ITSN1: variants seen among roughly 807,000 people sequenced by gnomAD.
ITSN1 encodes intersectin 1.
In ITSN1, 58 loss-of-function variants were observed where a neutral mutation model predicts 239.8. That is an observed-to-expected ratio of 0.24 (90% confidence interval 0.20 to 0.30). The LOEUF is 0.30. ITSN1 is among the 10% of genes least tolerant of loss of function. The probability of loss-of-function intolerance (pLI) is 1.00; values close to 1 mark genes in which losing one functional copy is unlikely to be tolerated. For synonymous variants in ITSN1, 780 were observed against 770.8 expected (o/e 1.01, Z -0.20); for missense variants, 1,558 against 2,103.3 (o/e 0.74, Z 5.07).
At position 33,818,237 on chromosome 21, in the gene ITSN1, C is replaced by T. The variant is rs375781109; in HGVS notation, c.2728-30C>T. 2.6e-4 allele frequency: 415 copies of T among 1,581,798 alleles called. 1 individual carries two copies. The highest frequency in any genetic ancestry group is 6.9e-4 in the South Asian group (62 of 90,328). On this transcript the variant is annotated intron_variant, in intron 22 of 39. Coordinates refer to ENST00000381318, the MANE Select transcript of ITSN1 (RefSeq NM_003024.3). ...TAATTGATAACAAAGCGCAACATAA[C>T]GAGAGGTCCTTTATGTTATTCCACA... is the stretch of plus-strand genomic sequence containing the variant.
At chr21:33,769,036 T>G (rs915852976) in intron 11 of ITSN1, among the ~76,000 whole-genome samples, 2 of 152,118 alleles carry the variant, frequency 1.3e-5, no homozygotes, top group African/African-American at 4.8e-5. Context: ...TCACTTATGG[T>G]TGGTTGGTGT....
chr21:33,770,629 G>T (rs1320456885), intron 11 of ITSN1, among the ~76,000 whole-genome samples: 1 of 151,880 alleles, frequency 6.6e-6, no homozygotes, highest in East Asian at 1.9e-4. Flanking sequence ...TACCTGTTGT[G>T]GATATTTCAT....
chr21:33,861,972 A>AAAG (rs1569314157), intron 31 of ITSN1, among the ~76,000 whole-genome samples: 3 of 136,958 alleles, frequency 2.2e-5, no homozygotes, highest in Non-Finnish European at 3.1e-5. Flanking sequence ...AATAAATAAA[A>AAAG]AAGAAACGTC....
chr21:33,700,740 T>G (rs528273176), intron 1 of ITSN1, among the ~76,000 whole-genome samples: 75 of 152,134 alleles, frequency 4.9e-4, no homozygotes, highest in Non-Finnish European at 8.7e-4. Flanking sequence ...TGTCACTAAT[T>G]GTTTGGGCCC....
chr21:33,643,851 TC>T (rs1255221820), intron 1 of ITSN1: 1 of 152,082 alleles, frequency 6.6e-6, no homozygotes, highest in African/African-American at 2.4e-5. Flanking sequence ...TAACAGCAAA[TC>T]CCATACAAAC....
chr21:33,806,255 A>G (rs2072441216), intron 20 of ITSN1, among the ~76,000 whole-genome samples: 1 of 152,078 alleles, frequency 6.6e-6, no homozygotes, highest in Non-Finnish European at 1.5e-5. Flanking sequence ...TTTGGGGAGA[A>G]ACCTTATATT....
chr21:33,883,441 A>C, intron 35 of ITSN1, 109 bp from the exon 36 acceptor site: 1 of 1,442,880 alleles, frequency 6.9e-7, no homozygotes, highest in South Asian at 1.2e-5. Flanking sequence ...GCTGACTTGC[A>C]GTCTCGTTTA....
At chr21:33,704,983 T>C (rs187224022) in intron 1 of ITSN1, among the ~76,000 whole-genome samples, 236 of 147,394 alleles carry the variant, frequency 1.6e-3, no homozygotes, top group African/African-American at 5.2e-3. Flanking sequence ...TGGTGGCAGG[T>C]GCCTGTAGTC....
chr21:33,840,424 C>T (rs970935754), intron 29 of ITSN1, among the ~76,000 whole-genome samples: 2 of 151,700 alleles, frequency 1.3e-5, no homozygotes, highest in African/African-American at 2.4e-5. Context: ...AGTGCAGTGT[C>T]GTGATCTCGG....
intron 16 of ITSN1, among the ~76,000 whole-genome samples, chr21:33,787,819 A>C (rs1463096663): frequency 2.0e-5 from 3 of 152,150 alleles, no homozygotes; most frequent in Non-Finnish European, 4.4e-5. Flanking sequence ...AATTAGTAGA[A>C]TAATGTTTGG....
At chr21:33,783,436 G>A (rs530446721) in intron 16 of ITSN1, among the ~76,000 whole-genome samples, 1 of 152,214 alleles carries the variant, frequency 6.6e-6, no homozygotes, top group East Asian at 1.9e-4. Flanking sequence ...TGCTCTTAGG[G>A]GAAATATTAT....
intron 4 of ITSN1, among the ~76,000 whole-genome samples, chr21:33,728,380 G>C (rs1204137276): frequency 2.6e-5 from 4 of 151,996 alleles, no homozygotes; most frequent in African/African-American, 9.7e-5. Flanking sequence ...CTACAGGCGC[G>C]CGCCACTATG....
In ITSN1 at chr21:33,658,692, C is replaced by T. The variant is rs564156399; in HGVS notation, c.-33+15979C>T. Among the ~76,000 whole-genome samples, 4 of 152,322 alleles carry T rather than the reference C, an allele frequency of 2.6e-5. No homozygotes were observed. In the East Asian group the frequency reaches 7.7e-4, roughly 29 times the overall value. On this transcript the variant is annotated intron_variant, in intron 1 of 39. Transcript: ENST00000381318. ...CATCTAGAGCATTGCTCACCTGCCA[C>T]CTTTCTTCTGACCAACCTCTTCCTC... is the stretch of plus-strand genomic sequence containing the variant.
chr21:33,883,963 A>C (rs568185487), intron 36 of ITSN1, among the ~76,000 whole-genome samples: 280 of 142,010 alleles, frequency 2.0e-3, no homozygotes, highest in African/African-American at 7.1e-3. Context: ...GCAGTAGTGC[A>C]GTCACAGCTC....
At chr21:33,824,381 T>TATAA (rs1160307012) in intron 25 of ITSN1, among the ~76,000 whole-genome samples, 3 of 152,110 alleles carry the variant, frequency 2.0e-5, no homozygotes, top group Non-Finnish European at 4.4e-5. Flanking sequence ...AGTTTCAGGG[T>TATAA]ATAAATGGAG....
At chr21:33,698,629 G>A (rs1289627595) in intron 1 of ITSN1, among the ~76,000 whole-genome samples, 1 of 152,164 alleles carries the variant, frequency 6.6e-6, no homozygotes, top group Non-Finnish European at 1.5e-5. Context: ...CATGACAATA[G>A]GGCATTGATC....
intron 11 of ITSN1, among the ~76,000 whole-genome samples, chr21:33,771,385 C>T (rs2069147127): frequency 6.6e-6 from 1 of 151,590 alleles, no homozygotes; most frequent in African/African-American, 2.4e-5. Flanking sequence ...TGCGTGAGGC[C>T]AACACAGAAA....
rs2073809855 is a variant in ITSN1 at position 33,823,507 on chromosome 21, T to TA, written c.3038dup (p.Tyr1013Ter). 2 of 1,614,020 alleles carry TA rather than the reference T, an allele frequency of 1.2e-6. No individual in the cohort carries two copies. Among genetic ancestry groups the TA allele is most frequent in the Non-Finnish European group, 1.7e-6 (2 of 1,179,912 alleles). The change falls in exon 25 of 40, where the codon TAC becomes TAAC. Residue 1013 changes from tyrosine to a stop codon, truncating the protein, a stop_gained and frameshift_variant. Coordinates refer to ENST00000381318, the MANE Select transcript of ITSN1 (RefSeq NM_003024.3). LOFTEE classifies it high-confidence loss of function. ...ACCAGAATTTATTGCCATGTACACT[T>TA]ACGAGAGTTCTGAGCAAGGAGATTT... Reference protein sequence around the residue: ...SGEEFIAMYTYESSEQGDLTF... With the variant: ...SGEEFIAMYT
chr21:33,799,947 G>C lies in ITSN1; in HGVS notation c.2304+18G>C. On this transcript the variant is annotated intron_variant, in intron 19 of 39. Transcript: ENST00000381318. The stretch of plus-strand genomic sequence containing the variant: ...TAGTCATGGTAAGAAAGACTCCAGT[G>C]AGAGGGTCATTTCTGTTGAAGATTA... 6.2e-7 allele frequency: 1 copy of C among 1,610,044 alleles called. No individual in the cohort carries two copies. The highest frequency in any genetic ancestry group is 8.5e-7 in the Non-Finnish European group (1 of 1,178,632).
Sources: allele counts gnomAD v4.1 joint callset (sites outside exome capture counted in the v4.1 genomes callset), GRCh38; gene constraint gnomAD v4.1.1; transcripts MANE v1.5; gene names NCBI Gene and HGNC (gene_info 2026-07-23, HGNC 2026-07-21).